The following PHACTR3 variants were observed in gnomAD, a reference collection of about 807,000 sequenced individuals.
PHACTR3 encodes the protein protein phosphatase 1, regulatory subunit 123.
A neutral mutation model predicts 66.8 loss-of-function variants in PHACTR3; 16 were observed. The observed-to-expected ratio is 0.24, with a 90% confidence interval of 0.16 to 0.36. The LOEUF is 0.36. Among genes scored for constraint, PHACTR3 ranks in the 10% least tolerant of loss-of-function variants. The probability of loss-of-function intolerance (pLI) is 1.00; values close to 1 mark genes in which losing one functional copy is unlikely to be tolerated. For missense variants in PHACTR3, 647 were observed against 719.9 expected, an observed-to-expected ratio of 0.90 and a Z score of 1.16; for synonymous variants, 323 against 292.1, an observed-to-expected ratio of 1.11 and a Z score of -1.08.
intron 8 of PHACTR3, among the ~76,000 whole-genome samples, chr20:59,823,135 C>T (rs190920272): frequency 3.5e-4 from 53 of 152,336 alleles, no homozygotes; most frequent in Non-Finnish European, 6.8e-4. Context: ...ATTACGTATT[C>T]TTTCCATTTT....
At chr20:59,666,303 G>A (rs944435668) in intron 1 of PHACTR3, among the ~76,000 whole-genome samples, 9 of 152,204 alleles carry the variant, frequency 5.9e-5, no homozygotes, top group Admixed American at 1.3e-4. Flanking sequence ...GGCCCCACAT[G>A]CCCTGTGAGT....
chr20:59,602,561 C>T (rs2033510829), upstream of PHACTR3, among the ~76,000 whole-genome samples: 1 of 151,714 alleles, frequency 6.6e-6, no homozygotes, highest in South Asian at 2.1e-4. Flanking sequence ...GGCTAAAAAT[C>T]ATAGGGATGG....
chr20:59,823,279 G>C (rs1291180488), intron 8 of PHACTR3, among the ~76,000 whole-genome samples: 1 of 152,132 alleles, frequency 6.6e-6, no homozygotes, highest in Non-Finnish European at 1.5e-5. Context: ...GGTCTTTATA[G>C]GAGTCCTAAC....
chr20:59,777,790 G>T (rs1315255483), intron 7 of PHACTR3, among the ~76,000 whole-genome samples: 3 of 152,134 alleles, frequency 2.0e-5, no homozygotes, highest in Non-Finnish European at 4.4e-5. Context: ...GGTTCTAAGA[G>T]TCAGTAAGCA....
At chr20:59,758,834 T>C (rs117341444) in intron 4 of PHACTR3, among the ~76,000 whole-genome samples, 3,395 of 152,284 alleles carry the variant, frequency 0.022, 58 homozygotes, top group Non-Finnish European at 0.035. Context: ...CCTTTCTGAT[T>C]ATGTTTGATC....
At chr20:59,582,556 T>C (rs2051244630) in intron 1 of PHACTR3, among the ~76,000 whole-genome samples, 1 of 152,232 alleles carries the variant, frequency 6.6e-6, no homozygotes, top group Admixed American at 6.5e-5. Flanking sequence ...CCAACAGCAG[T>C]GTCGGAGGTA....
chr20:59,774,590 C>T (rs532888094), intron 7 of PHACTR3, 100 bp downstream of exon 7: 107 of 1,451,680 alleles, frequency 7.4e-5, no homozygotes, highest in Admixed American at 2.4e-4. Context: ...AGGAACAGGT[C>T]GAGGGGCTGC....
At chr20:59,724,641 G>C (rs1207395778) in intron 1 of PHACTR3, among the ~76,000 whole-genome samples, 6 of 152,166 alleles carry the variant, frequency 3.9e-5, no homozygotes, top group Admixed American at 3.3e-4. Context: ...ACCCAATGCT[G>C]TGTGATCCTG....
At chr20:59,695,460 GT>G (rs2037260436) in intron 1 of PHACTR3, among the ~76,000 whole-genome samples, 1 of 152,104 alleles carries the variant, frequency 6.6e-6, no homozygotes, top group South Asian at 2.1e-4. Flanking sequence ...CTCTACAGTC[GT>G]GCTTCCTGTA....
intron 7 of PHACTR3, among the ~76,000 whole-genome samples, chr20:59,783,685 C>T (rs1472391255): frequency 1.3e-5 from 2 of 152,210 alleles, no homozygotes; most frequent in South Asian, 4.1e-4. Flanking sequence ...TCGTCCAATG[C>T]GTAAGCACAT....
chr20:59,808,310 GA>G lies in PHACTR3; in HGVS notation c.1328+2119del, dbSNP rs540818652. Among the ~76,000 whole-genome samples the G allele has an allele frequency of 6.6e-5, 10 of 152,356 alleles. No individual in the cohort carries two copies. In the East Asian group the frequency reaches 1.9e-3, roughly 29 times the overall value. ...AGCAGGCATCGGTGGGCTTTCAGAGGAAAGTCATGCCATTCTGGCAGGGTGG... is the reference window on the plus strand; with the variant it reads ...AGCAGGCATCGGTGGGCTTTCAGAGGAAGTCATGCCATTCTGGCAGGGTGG... On this transcript the variant is annotated intron_variant, in intron 8 of 12. Transcript: ENST00000371015.
intron 9 of PHACTR3, among the ~76,000 whole-genome samples, chr20:59,838,300 A>G (rs1358675781): frequency 6.6e-6 from 1 of 152,200 alleles, no homozygotes; most frequent in Non-Finnish European, 1.5e-5. Flanking sequence ...TAGGCTCTAG[A>G]TACACAGGAC....
intron 1 of PHACTR3, among the ~76,000 whole-genome samples, chr20:59,696,311 G>C (rs1234053541): frequency 6.6e-6 from 1 of 152,168 alleles, no homozygotes; most frequent in Admixed American, 6.5e-5. Context: ...CCTCCAAGAC[G>C]AAGTACAGCA....
intron 1 of PHACTR3, among the ~76,000 whole-genome samples, chr20:59,677,283 A>T (rs1165871918): frequency 6.6e-6 from 1 of 152,172 alleles, no homozygotes; most frequent in African/African-American, 2.4e-5. Flanking sequence ...TAGTGTCAGG[A>T]ACATATGCTC....
chr20:59,803,232 C>T (rs2041469392), intron 7 of PHACTR3, among the ~76,000 whole-genome samples: 1 of 152,326 alleles, frequency 6.6e-6, no homozygotes, highest in Admixed American at 6.5e-5. Flanking sequence ...GTGAAACATT[C>T]TTCTCAAAAT....
Position 59,606,882 on chromosome 20 carries a change from C to T in PHACTR3, c.118+1750C>T, listed in dbSNP as rs574220791. ...ACTGGTCTAAATGGGACCCAGAGAA[C>T]AGGTGTCAGAGGTGAAAAGTCTAAA... is the stretch of plus-strand genomic sequence containing the variant. On this transcript the variant is annotated intron_variant, in intron 1 of 12. Transcript: ENST00000371015. Among the ~76,000 whole-genome samples, 3 of 152,232 alleles carry T rather than the reference C, an allele frequency of 2.0e-5. No individual in the cohort carries two copies. The South Asian group carries it at 6.2e-4, about 32-fold the overall frequency.
chr20:59,692,819 T>A (rs1280365788), intron 1 of PHACTR3, among the ~76,000 whole-genome samples: 1 of 152,222 alleles, frequency 6.6e-6, no homozygotes, highest in African/African-American at 2.4e-5. Flanking sequence ...ACCTTTTAAC[T>A]AGAATAATGT....
intron 11 of PHACTR3, chr20:59,843,965 A>G (rs1290605560): frequency 6.6e-6 from 1 of 152,136 alleles, no homozygotes; most frequent in African/African-American, 2.4e-5. Context: ...AAGGAACTCA[A>G]CAGTCAAAAA....
At chr20:59,629,334 G>A (rs1213415710) in intron 1 of PHACTR3, among the ~76,000 whole-genome samples, 1 of 152,212 alleles carries the variant, frequency 6.6e-6, no homozygotes, top group Non-Finnish European at 1.5e-5. Context: ...TTCCCAGGAA[G>A]GCCCTGGCTG....
Sources: allele counts gnomAD v4.1 joint callset (sites outside exome capture counted in the v4.1 genomes callset), GRCh38; gene constraint gnomAD v4.1.1; transcripts MANE v1.5; gene names NCBI Gene and HGNC (gene_info 2026-07-23, HGNC 2026-07-21).